The following PLCB1 variants were observed in gnomAD, a reference collection of about 807,000 sequenced individuals.
The protein encoded by PLCB1 is 1-phosphatidylinositol 4,5-bisphosphate phosphodiesterase beta-1.
A neutral mutation model predicts 161.8 loss-of-function variants in PLCB1; 46 were observed. The observed-to-expected ratio is 0.28, with a 90% CI of 0.22 to 0.36. The LOEUF (loss-of-function observed/expected upper bound fraction) is 0.36. PLCB1 is among the 10% of genes least tolerant of loss of function. The probability of loss-of-function intolerance (pLI) is 1.00; values close to 1 mark genes in which losing one functional copy is unlikely to be tolerated. For synonymous variants in PLCB1, 517 were observed against 503.7 expected (o/e 1.03, Z -0.35); for missense variants, 1,016 against 1,472.5 (o/e 0.69, Z 5.07).
At chr20:8,651,809 A>G in intron 7 of PLCB1, 1 of 300,566 alleles carries the variant, frequency 3.3e-6, no homozygotes, top group Non-Finnish European at 6.1e-6. Flanking sequence ...GAAAAAGAAA[A>G]CAATGCTCGC....
intron 3 of PLCB1, among the ~76,000 whole-genome samples, chr20:8,431,489 C>T (rs979899092): frequency 3.3e-5 from 5 of 152,104 alleles, no homozygotes; most frequent in Non-Finnish European, 7.4e-5. Flanking sequence ...TTTTTAAATA[C>T]CAAAAATTGT....
intron 2 of PLCB1, among the ~76,000 whole-genome samples, chr20:8,213,741 A>G (rs146708070): frequency 6.6e-6 from 1 of 151,956 alleles, no homozygotes; most frequent in East Asian, 1.9e-4. Flanking sequence ...AGTTTGCATT[A>G]TCACAAATTG....
chr20:8,721,658 A>G (rs1979638995), intron 14 of PLCB1, among the ~76,000 whole-genome samples: 1 of 152,218 alleles, frequency 6.6e-6, no homozygotes, highest in Admixed American at 6.5e-5. Context: ...CCTCTTAAAA[A>G]TAATATCAGC....
intron 31 of PLCB1, among the ~76,000 whole-genome samples, chr20:8,796,066 T>G (rs1984013507): frequency 6.6e-6 from 1 of 152,196 alleles, no homozygotes; most frequent in Non-Finnish European, 1.5e-5. Context: ...ATGTGTAATT[T>G]ACTTTTTCTC....
At chr20:8,437,867 A>G (rs915841218) in intron 3 of PLCB1, among the ~76,000 whole-genome samples, 13 of 152,248 alleles carry the variant, frequency 8.5e-5, no homozygotes, top group Non-Finnish European at 1.9e-4. Flanking sequence ...GGCCACATAC[A>G]TATCACTGCA....
At chr20:8,248,092 A>C (rs1980970644) in intron 2 of PLCB1, among the ~76,000 whole-genome samples, 1 of 151,886 alleles carries the variant, frequency 6.6e-6, no homozygotes, top group Non-Finnish European at 1.5e-5. Flanking sequence ...ATCTCAGGAG[A>C]GACTGGCAGA....
chr20:8,882,457 T>TAAG lies in PLCB1; in HGVS notation c.*609_*611dup, dbSNP rs1378144971. On this transcript the variant is annotated 3_prime_UTR_variant, in exon 32 of 32. Coordinates refer to ENST00000338037, the MANE Select transcript of PLCB1 (RefSeq NM_015192.4). ...TTATTAGATACTGTAGTGATTCAAATAAGTTTTCTATTTGAAAAAAAAAAT... is the reference window on the plus strand; with the variant it reads ...TTATTAGATACTGTAGTGATTCAAATAAGAAGTTTTCTATTTGAAAAAAAAAAT... 6.5e-6 allele frequency: 1 copy of TAAG among 153,198 alleles called. No individual in the cohort carries two copies. The highest frequency in any genetic ancestry group is 1.5e-5 in the Non-Finnish European group (1 of 68,490). 9.5% of individuals were successfully genotyped at this position (153,198 alleles called of 1,614,324 possible).
intron 2 of PLCB1, chr20:8,249,431 C>T (rs1471314193): frequency 6.6e-6 from 1 of 151,906 alleles, no homozygotes; most frequent in Admixed American, 6.6e-5. Flanking sequence ...TGTTATCATT[C>T]TCACATTATC....
At chr20:8,521,907 G>GATTTTTCCAT (rs1984362488) in intron 3 of PLCB1, among the ~76,000 whole-genome samples, 2 of 152,208 alleles carry the variant, frequency 1.3e-5, no homozygotes, top group Non-Finnish European at 2.9e-5. Flanking sequence ...AAGTTCGGGA[G>GATTTTTCCAT]TGCAAACTAT....
chr20:8,293,389 A>G (rs752992655), intron 2 of PLCB1, among the ~76,000 whole-genome samples: 1 of 152,184 alleles, frequency 6.6e-6, no homozygotes, highest in Non-Finnish European at 1.5e-5. Context: ...GTGTTTCAGT[A>G]TACCGGAGAA....
rs183664567 is a variant in PLCB1, at chr20:8,838,421, C to G, written c.3424-43201C>G. On this transcript the variant is annotated intron_variant, in intron 31 of 31. Transcript: ENST00000338037. ...CAGGCAGAGTAGGGCTAATGGAGGT[C>G]AGGTGATCAACAGAGTTTTAATTCA... Among the ~76,000 whole-genome samples the G allele has an allele frequency of 2.0e-3, 308 of 152,286 alleles. 3 individuals are homozygous for G. Among genetic ancestry groups the G allele is most frequent in the African/African-American group, 7.0e-3 (291 of 41,550 alleles).
At chr20:8,685,848 A>G (rs1379358415) in intron 10 of PLCB1, among the ~76,000 whole-genome samples, 1 of 152,210 alleles carries the variant, frequency 6.6e-6, no homozygotes, top group Non-Finnish European at 1.5e-5. Flanking sequence ...TGTAAATATT[A>G]TAATAAAGTA....
chr20:8,683,450 C>T (rs571943839), intron 9 of PLCB1, among the ~76,000 whole-genome samples: 23 of 151,470 alleles, frequency 1.5e-4, no homozygotes, highest in East Asian at 5.8e-4. Context: ...ATTTACTACC[C>T]GCAAATATGT....
Position 8,881,731 on chromosome 20 carries a change from A to G in PLCB1, c.3533A>G (p.Asn1178Ser), listed in dbSNP as rs200309017. The G allele has an allele frequency of 7.1e-5, 114 of 1,613,944 alleles. 1 individual carries two copies. The Middle Eastern group carries it at 1.3e-3, about 19-fold the overall frequency. Residue 1178 changes from asparagine to serine, a missense_variant, in exon 32 of 32, where the codon AAT (asparagine) becomes AGT (serine). Coordinates refer to ENST00000338037, the MANE Select transcript of PLCB1 (RefSeq NM_015192.4). Reference protein sequence around the residue: ...AMKGKISEDSNHGSAPLSLSS... With the variant: ...AMKGKISEDSSHGSAPLSLSS... ...AAAGGAAAGATCAGTGAAGACAGCA[A>G]TCACGGTTCTGCCCCTCTCTCCCTG...
intron 2 of PLCB1, among the ~76,000 whole-genome samples, chr20:8,151,057 G>A (rs1351849288): frequency 1.3e-5 from 2 of 152,158 alleles, no homozygotes; most frequent in African/African-American, 4.8e-5. Context: ...GAACACTCAT[G>A]GAAAGTGGTT....
At chr20:8,396,614 CTT>C (rs1041445829) in intron 3 of PLCB1, among the ~76,000 whole-genome samples, 1 of 151,946 alleles carries the variant, frequency 6.6e-6, no homozygotes, top group African/African-American at 2.4e-5. Flanking sequence ...GCAAGTGAGT[CTT>C]TAATTTTGTC....
chr20:8,493,074 CA>C (rs1983016715), intron 3 of PLCB1, among the ~76,000 whole-genome samples: 2 of 152,098 alleles, frequency 1.3e-5, no homozygotes, highest in Non-Finnish European at 2.9e-5. Flanking sequence ...GGGCACCTCT[CA>C]ATGGGGACCC....
At chr20:8,640,535 G>T (rs909610013) in intron 4 of PLCB1, among the ~76,000 whole-genome samples, 4 of 152,114 alleles carry the variant, frequency 2.6e-5, no homozygotes, top group Non-Finnish European at 5.9e-5. Flanking sequence ...GGATTCAAAG[G>T]CATAATAGCA....
chr20:8,739,132 C>G, intron 20 of PLCB1, 129 bp from the exon 21 acceptor site: 1 of 674,524 alleles, frequency 1.5e-6, no homozygotes, highest in Non-Finnish European at 2.7e-6. Flanking sequence ...GCCTGGGTGA[C>G]ACAGCAAGAC....
Sources: gnomAD v4.1 joint callset for allele counts (sites outside exome capture counted in the v4.1 genomes callset) on GRCh38, gnomAD v4.1.1 for gene constraint, MANE v1.5 for transcripts, NCBI Gene and HGNC (gene_info 2026-07-23, HGNC 2026-07-21) for gene names.